The following SPEF2 variants were observed in gnomAD, a reference collection of about 807,000 sequenced individuals.
SPEF2 encodes the protein sperm flagella and cilia-associated protein 2.
A neutral mutation model predicts 224.6 loss-of-function variants in SPEF2; 187 were observed. The ratio of observed to expected loss-of-function variants is 0.83; its 90% CI spans 0.74 to 0.94. The LOEUF (loss-of-function observed/expected upper bound fraction) is 0.94, where lower values mean the gene tolerates loss of function less well. Ranked by LOEUF, SPEF2 falls within the 40% of genes least tolerant of loss-of-function variation. The probability of loss-of-function intolerance (pLI) is 0.00; values close to 1 mark genes in which losing one functional copy is unlikely to be tolerated. For missense variants in SPEF2, 2,170 were observed against 2,135.6 expected (o/e 1.02, Z -0.32); for synonymous variants, 715 against 707.3 (o/e 1.01, Z -0.17).
intron 20 of SPEF2, among the ~76,000 whole-genome samples, chr5:35,718,994 G>A (rs1170149657): frequency 6.6e-6 from 1 of 152,228 alleles, no homozygotes; most frequent in Non-Finnish European, 1.5e-5. Flanking sequence ...GGTAGCTATA[G>A]TTATGCTTAC....
chr5:35,679,171 C>G (rs866885001), intron 10 of SPEF2, among the ~76,000 whole-genome samples: 1 of 152,174 alleles, frequency 6.6e-6, no homozygotes, highest in Non-Finnish European at 1.5e-5. Flanking sequence ...TCTACCCTAG[C>G]AATAGGTATA....
In SPEF2 at chr5:35,759,856, GT is replaced by G. The variant is rs11427107; in HGVS notation, c.3620+147del. On this transcript the variant is annotated intron_variant, in intron 25 of 36. Coordinates refer to ENST00000356031, the MANE Select transcript of SPEF2 (RefSeq NM_024867.4). ...CAAAAAAGCTCTAATAACCAAACAT[GT>G]TTTTTTTTTAACGTTAGTGTGTCAT... is the stretch of plus-strand genomic sequence containing the variant. 3.7e-3 allele frequency: 2,198 copies of G among 588,230 alleles called. 35 individuals are homozygous for G. In the East Asian group the frequency reaches 0.047, roughly 13 times the overall value. 36.4% of individuals were successfully genotyped at this position (588,230 alleles called of 1,614,324 possible). A position where few individuals can be genotyped will look rare whatever the true frequency, so the allele number is the denominator to read the frequency against.
chr5:35,784,001 T>A (rs1225827521), intron 30 of SPEF2, among the ~76,000 whole-genome samples: 1 of 152,102 alleles, frequency 6.6e-6, no homozygotes, highest in Non-Finnish European at 1.5e-5. Flanking sequence ...GAAGAGAACA[T>A]AGTTTAGCAA....
chr5:35,698,813 C>T (rs1755704819), intron 15 of SPEF2: 1 of 152,406 alleles, frequency 6.6e-6, no homozygotes, highest in African/African-American at 2.4e-5. Context: ...CCTGACTCCC[C>T]ATCATCTCAT....
intron 30 of SPEF2, chr5:35,790,411 G>T: frequency 2.1e-6 from 1 of 478,408 alleles, no homozygotes; most frequent in Non-Finnish European, 3.7e-6. Flanking sequence ...TAGCAATGTA[G>T]CTCTTTTGCA....
intron 23 of SPEF2, 132 bp downstream of exon 23, chr5:35,740,399 A>T (rs1747410592): frequency 1.7e-6 from 2 of 1,206,172 alleles, no homozygotes; most frequent in East Asian, 4.8e-5. Context: ...ACTATTAACC[A>T]GGTAACTTTC....
At chr5:35,760,754 T>A (rs756769254) in intron 25 of SPEF2, among the ~76,000 whole-genome samples, 1 of 152,094 alleles carries the variant, frequency 6.6e-6, no homozygotes, top group Non-Finnish European at 1.5e-5. Context: ...GATAGAAAAA[T>A]GTCTTCTAGA....
chr5:35,795,454 A>G (rs974259698), intron 32 of SPEF2, among the ~76,000 whole-genome samples: 3 of 152,236 alleles, frequency 2.0e-5, no homozygotes, highest in African/African-American at 7.2e-5. Flanking sequence ...TATAAATTAT[A>G]TACATATACT....
At chr5:35,800,301 A>C (rs1292470519) in intron 34 of SPEF2, among the ~76,000 whole-genome samples, 154 bp downstream of exon 34, 1 of 152,148 alleles carries the variant, frequency 6.6e-6, no homozygotes, top group African/African-American at 2.4e-5. Context: ...ACAAAGCCTT[A>C]CTCAATTGGA....
At chr5:35,811,767 C>CTTTTTTTTTTT (rs1203514196) in intron 36 of SPEF2, among the ~76,000 whole-genome samples, 5 of 115,410 alleles carry the variant, frequency 4.3e-5, no homozygotes, top group African/African-American at 1.8e-4. Context: ...TTTGCCATTA[C>CTTTTTTTTTTT]TTTTTTTTTT....
At chr5:35,688,096 G>A (rs78521982) in intron 10 of SPEF2, among the ~76,000 whole-genome samples, 2,859 of 152,190 alleles carry the variant, frequency 0.019, 64 homozygotes, top group South Asian at 0.055. Flanking sequence ...GAAAATCACC[G>A]GAACCATCAT....
At chr5:35,812,814 A>G (rs1361358975) in intron 36 of SPEF2, among the ~76,000 whole-genome samples, 1 of 152,264 alleles carries the variant, frequency 6.6e-6, no homozygotes, top group Admixed American at 6.5e-5. Context: ...ACCTATAATT[A>G]TAAGTGCGAA....
intron 7 of SPEF2, among the ~76,000 whole-genome samples, chr5:35,658,449 C>T (rs538252981): frequency 3.9e-5 from 6 of 152,246 alleles, no homozygotes; most frequent in East Asian, 1.9e-4. Context: ...GATATCCTCA[C>T]GGGGAACTAA....
At chr5:35,793,504 G>C (rs929971815) in intron 32 of SPEF2, among the ~76,000 whole-genome samples, 163 bp downstream of exon 32, 2 of 152,182 alleles carry the variant, frequency 1.3e-5, no homozygotes, top group Admixed American at 6.5e-5. Context: ...CAAAGCCCCA[G>C]CCAGAAGCCT....
At chr5:35,671,133 G>GA in intron 10 of SPEF2, 2 of 985,196 alleles carry the variant, frequency 2.0e-6, no homozygotes, top group East Asian at 1.1e-4. Flanking sequence ...AGTGCAACAT[G>GA]AAAAAAATCT....
chr5:35,652,329 C>T (rs761947944), intron 6 of SPEF2, among the ~76,000 whole-genome samples: 8 of 152,002 alleles, frequency 5.3e-5, no homozygotes, highest in South Asian at 4.2e-4. Flanking sequence ...TATTAACCCA[C>T]GCTCAATCCA....
Position 35,653,464 on chromosome 5 carries a change from T to A in SPEF2, c.792-1076T>A, listed in dbSNP as rs564864878. Among the ~76,000 whole-genome samples, 4 of 152,254 alleles carry A rather than the reference T, an allele frequency of 2.6e-5. No homozygotes were observed. In the South Asian group the frequency reaches 8.3e-4, roughly 32 times the overall value. On this transcript the variant is annotated intron_variant, in intron 6 of 36. Transcript: ENST00000356031. ...TGGAAGAGTGTAGTAGATGGAACCATCTGTACATAGAAGTATTCTAGTGAC... is the reference window on the plus strand; with the variant it reads ...TGGAAGAGTGTAGTAGATGGAACCAACTGTACATAGAAGTATTCTAGTGAC...
At position 35,674,550 on chromosome 5, in the gene SPEF2, C is replaced by T. The variant is rs1297779524; in HGVS notation, c.1524+4323C>T. ...CCCTCCCCCGACCCCAAAACAGGCC[C>T]TCGTGTGTGATGTTCCCCTTCCTTT... On this transcript the variant is annotated intron_variant, in intron 10 of 36. Coordinates refer to ENST00000356031, the MANE Select transcript of SPEF2 (RefSeq NM_024867.4). 2.3e-5 allele frequency among the ~76,000 whole-genome samples: 3 copies of T among 127,860 alleles called. No homozygotes were observed. The East Asian group carries it at 7.6e-4, about 32-fold the overall frequency. The allele number at this position is 127,860 out of a possible 152,430, so 83.9% of individuals were successfully genotyped here.
At position 35,654,735 on chromosome 5, in the gene SPEF2, T is replaced by G. The variant is rs1297991203; in HGVS notation, c.978+9T>G. On this transcript the variant is annotated intron_variant, in intron 7 of 36. Coordinates refer to ENST00000356031, the MANE Select transcript of SPEF2 (RefSeq NM_024867.4). Reference sequence around the variant, plus strand: ...CCCACGAAGCACAAGAGGTAAGATATTTAGATGAAGGTTAAGTAATAGTGC... The same window carrying G: ...CCCACGAAGCACAAGAGGTAAGATAGTTAGATGAAGGTTAAGTAATAGTGC... 1 of 1,599,244 alleles carries G rather than the reference T, an allele frequency of 6.3e-7. No homozygotes were observed. The highest frequency in any genetic ancestry group is 8.5e-7 in the Non-Finnish European group (1 of 1,175,646).
Sources: allele counts gnomAD v4.1 joint callset (sites outside exome capture counted in the v4.1 genomes callset), GRCh38; gene constraint gnomAD v4.1.1; transcripts MANE v1.5; gene names NCBI Gene and HGNC (gene_info 2026-07-23, HGNC 2026-07-21).